Variants in HMGCLL1 observed in about 807,000 individuals in gnomAD.
HMGCLL1 encodes 3-hydroxy-3-methylglutaryl-CoA lyase like 1, also known as 3-hydroxymethyl-3-methylglutaryl-CoA lyase, cytoplasmic.
In HMGCLL1, 36 loss-of-function variants were observed where a neutral mutation model predicts 39.1. The ratio of observed to expected loss-of-function variants is 0.92; its 90% CI spans 0.71 to 1.22. HMGCLL1 has a LOEUF of 1.22. Ranked by LOEUF, HMGCLL1 falls within the 50% of genes most tolerant of loss-of-function variation. The probability of loss-of-function intolerance (pLI) is 0.00; values close to 1 mark genes in which losing one functional copy is unlikely to be tolerated. For missense variants in HMGCLL1, 451 were observed against 416.5 expected (o/e 1.08, Z -0.72); for synonymous variants, 149 against 144.0 (o/e 1.03, Z -0.25).
intron 5 of HMGCLL1, among the ~76,000 whole-genome samples, chr6:55,509,339 G>A (rs1767321961): frequency 6.6e-6 from 1 of 151,788 alleles, no homozygotes; most frequent in African/African-American, 2.4e-5. Flanking sequence ...ATTTGATGCT[G>A]TCATAAGAAA....
chr6:55,579,241 C>G, upstream of HMGCLL1: 1 of 596,662 alleles, frequency 1.7e-6, no homozygotes, highest in Non-Finnish European at 3.0e-6. Flanking sequence ...GGCAGGTGGC[C>G]GCGCCTGGGG....
At chr6:55,636,914 C>T in the HMGCLL1 span, among the ~76,000 whole-genome samples, 1 of 152,086 alleles carries the variant, frequency 6.6e-6, no homozygotes, top group East Asian at 1.9e-4. Context: ...GGGCTTCCTG[C>T]AGTGATATAA....
At chr6:55,539,226 A>C (rs1769203778) in intron 3 of HMGCLL1, among the ~76,000 whole-genome samples, 1 of 152,210 alleles carries the variant, frequency 6.6e-6, no homozygotes, top group Admixed American at 6.5e-5. Flanking sequence ...TGAATACCAA[A>C]CCAAAGTTTC....
At chr6:55,474,769 A>G (rs1765212235) in intron 7 of HMGCLL1, among the ~76,000 whole-genome samples, 1 of 151,562 alleles carries the variant, frequency 6.6e-6, no homozygotes, top group Non-Finnish European at 1.5e-5. Context: ...GTGTGAGATT[A>G]TATGTTTATC....
chr6:55,658,431 A>G, the HMGCLL1 span, among the ~76,000 whole-genome samples: 1 of 151,956 alleles, frequency 6.6e-6, no homozygotes, highest in African/African-American at 2.4e-5. Context: ...ACCCAGTGCA[A>G]ACACCACTGG....
the HMGCLL1 span, among the ~76,000 whole-genome samples, chr6:55,595,055 T>C: frequency 6.6e-6 from 1 of 152,170 alleles, no homozygotes; most frequent in Admixed American, 6.5e-5. Context: ...CTTGGAAAAA[T>C]AGAAACATAC....
At chr6:55,623,539 T>C in the HMGCLL1 span, among the ~76,000 whole-genome samples, 2 of 151,898 alleles carry the variant, frequency 1.3e-5, no homozygotes, top group East Asian at 3.9e-4. Flanking sequence ...GATGTTCATG[T>C]GTTTATATAC....
At chr6:55,497,080 T>C (rs9475319) in intron 6 of HMGCLL1, among the ~76,000 whole-genome samples, 80,296 of 151,906 alleles carry the variant, frequency 0.53, 21,488 homozygotes, top group African/African-American at 0.63. Context: ...AAGATCTCTT[T>C]AAGCTGAATA....
At chr6:55,534,085 A>C (rs1478367845) in intron 3 of HMGCLL1, among the ~76,000 whole-genome samples, 3 of 152,038 alleles carry the variant, frequency 2.0e-5, no homozygotes, top group Non-Finnish European at 2.9e-5. Context: ...AAGCAAAAGA[A>C]ATTAATTTTA....
At chr6:55,508,330 T>C (rs1361452248) in intron 5 of HMGCLL1, among the ~76,000 whole-genome samples, 1 of 151,888 alleles carries the variant, frequency 6.6e-6, no homozygotes, top group Non-Finnish European at 1.5e-5. Context: ...TTTCAATCCC[T>C]AATTACATTT....
the HMGCLL1 span, among the ~76,000 whole-genome samples, chr6:55,647,375 G>GT: frequency 6.6e-6 from 1 of 151,880 alleles, no homozygotes; most frequent in Non-Finnish European, 1.5e-5. Context: ...TGACTGAAGA[G>GT]TTTAGTCCAT....
At position 55,499,289 on chromosome 6, in the gene HMGCLL1, A is replaced by G; in HGVS notation, c.553T>C (p.Cys185Arg). ...MNIPARGYVS[C>R]ALGCPYEGSI... ...CCTTCATATGGACAGCCCAGAGCACAAGACACATACCTAAATTAAAAATAC... is the reference window on the plus strand; with the variant it reads ...CCTTCATATGGACAGCCCAGAGCACGAGACACATACCTAAATTAAAAATAC... The change falls in exon 6 of 9, where the codon TGT becomes CGT. Residue 185 changes from cysteine to arginine, a missense_variant. By Grantham distance (180) the Cys-to-Arg change is radical (BLOSUM62 -3). Transcript: ENST00000274901. The G allele has an allele frequency of 6.2e-7, 1 of 1,602,968 alleles. No individual in the cohort carries two copies. Among genetic ancestry groups the G allele is most frequent in the Non-Finnish European group, 8.5e-7 (1 of 1,174,394 alleles).
chr6:55,585,335 G>C, the HMGCLL1 span, among the ~76,000 whole-genome samples: 1 of 152,040 alleles, frequency 6.6e-6, no homozygotes, highest in Admixed American at 6.6e-5. Flanking sequence ...CAAAATAAAA[G>C]ACACAGACAT....
the HMGCLL1 span, among the ~76,000 whole-genome samples, chr6:55,668,388 T>A: frequency 3.9e-5 from 6 of 152,014 alleles, no homozygotes; most frequent in African/African-American, 1.4e-4. Context: ...CTTTTCTTCT[T>A]TATCAGCCAG....
chr6:55,635,166 C>A, the HMGCLL1 span, among the ~76,000 whole-genome samples: 6 of 152,012 alleles, frequency 3.9e-5, no homozygotes, highest in South Asian at 4.1e-4. Flanking sequence ...AAAAAAAAAT[C>A]ATATGCCCAT....
chr6:55,447,782 T>C lies in HMGCLL1; in HGVS notation c.796-8223A>G, dbSNP rs528387549. ...TTACTCATGAGTAAACTGAGGTTCA[T>C]GAAGGGCAAGTGATATGTCCTGCTT... On this transcript the variant is annotated intron_variant, in intron 7 of 8. Transcript: ENST00000274901. Among the ~76,000 whole-genome samples, 5 of 152,214 alleles carry C rather than the reference T, an allele frequency of 3.3e-5. No individual in the cohort carries two copies. The East Asian group carries it at 9.6e-4, about 29-fold the overall frequency.
the HMGCLL1 span, among the ~76,000 whole-genome samples, chr6:55,630,776 C>T: frequency 2.2e-3 from 335 of 151,084 alleles, no homozygotes; most frequent in South Asian, 3.8e-3. Context: ...TTGCCTGCCC[C>T]GCTCCATGTG....
intron 5 of HMGCLL1, among the ~76,000 whole-genome samples, chr6:55,506,317 T>G (rs1767160398): frequency 6.6e-6 from 1 of 151,760 alleles, no homozygotes; most frequent in African/African-American, 2.4e-5. Flanking sequence ...CTACTTCATT[T>G]GATCCTTTGT....
intron 5 of HMGCLL1, chr6:55,513,459 C>A (rs551775637): frequency 6.6e-6 from 1 of 152,106 alleles, no homozygotes; most frequent in Non-Finnish European, 1.5e-5. Context: ...TATTTATCTT[C>A]TATAAGCAAT....
Sources: gnomAD v4.1 joint callset for allele counts (sites outside exome capture counted in the v4.1 genomes callset) on GRCh38, gnomAD v4.1.1 for gene constraint, MANE v1.5 for transcripts, NCBI Gene and HGNC (gene_info 2026-07-23, HGNC 2026-07-21) for gene names.